GLG1: variants seen among roughly 807,000 people sequenced by gnomAD.
GLG1 encodes Golgi apparatus protein 1.
GLG1 carries 38 observed loss-of-function variants against 160.5 expected under a neutral mutation model. The observed-to-expected ratio is 0.24, with a 90% confidence interval of 0.18 to 0.31. The LOEUF (loss-of-function observed/expected upper bound fraction) is 0.31, where lower values mean the gene tolerates loss of function less well. Ranked by LOEUF, GLG1 falls within the 10% of genes least tolerant of loss-of-function variation. GLG1 has a pLI of 1.00. For synonymous variants in GLG1, 644 were observed against 543.4 expected, an observed-to-expected ratio of 1.19 and a Z score of -2.57; for missense variants, 1,373 against 1,505.2, an observed-to-expected ratio of 0.91 and a Z score of 1.45.
intron 2 of GLG1, among the ~76,000 whole-genome samples, chr16:74,514,438 T>A (rs963751903): frequency 2.0e-5 from 3 of 152,160 alleles, no homozygotes; most frequent in African/African-American, 7.2e-5. Context: ...TAACAGCAGA[T>A]CTCTTTGCAG....
At position 74,527,470 on chromosome 16, in the gene GLG1, G is replaced by A. The variant is rs11641702; in HGVS notation, c.471+4651C>T. On this transcript the variant is annotated intron_variant, in intron 2 of 25. Transcript: ENST00000422840. ...TCACCATGTTGGCCAGGCTGGTCTC[G>A]AACTCCTGACCTGAGGTGATCCACC... 6.8e-3 allele frequency among the ~76,000 whole-genome samples: 1,030 copies of A among 151,852 alleles called. 7 individuals are homozygous for A. Among genetic ancestry groups the A allele is most frequent in the Middle Eastern group, 0.01 (3 of 294 alleles).
chr16:74,506,731 T>C (rs1405101330), intron 3 of GLG1, among the ~76,000 whole-genome samples: 5 of 152,150 alleles, frequency 3.3e-5, no homozygotes, highest in African/African-American at 1.2e-4. Flanking sequence ...TTCAGCTCAC[T>C]ATCCATTACA....
At chr16:74,550,511 G>A (rs1035694382) in intron 1 of GLG1, among the ~76,000 whole-genome samples, 7 of 152,140 alleles carry the variant, frequency 4.6e-5, no homozygotes, top group Non-Finnish European at 7.3e-5. Context: ...GCATGGGCAG[G>A]CGAGAAGATG....
intron 17 of GLG1, 132 bp downstream of exon 17, chr16:74,468,813 AC>A: frequency 3.0e-6 from 2 of 664,860 alleles, no homozygotes; most frequent in South Asian, 3.6e-5. Context: ...GTATGTTAAA[AC>A]TTTTGCACAG....
intron 1 of GLG1, among the ~76,000 whole-genome samples, chr16:74,569,096 T>C (rs537172247): frequency 4.6e-5 from 7 of 152,290 alleles, no homozygotes; most frequent in Admixed American, 6.5e-5. Flanking sequence ...TCTAATGAGA[T>C]AGTCCTCACT....
intron 12 of GLG1, 107 bp downstream of exon 12, chr16:74,477,289 T>C: frequency 1.1e-6 from 1 of 896,170 alleles, no homozygotes; most frequent in Non-Finnish European, 1.8e-6. Flanking sequence ...ACAAATCACA[T>C]CTGTAAGGTA....
At chr16:74,478,764 T>G (rs1484826164) in intron 11 of GLG1, among the ~76,000 whole-genome samples, 1 of 149,078 alleles carries the variant, frequency 6.7e-6, no homozygotes, top group Non-Finnish European at 1.5e-5. Flanking sequence ...ATACAAAAAT[T>G]AGCCGGGCGT....
At chr16:74,472,831 T>G (rs2015253069) in intron 13 of GLG1, 9 of 331,392 alleles carry the variant, frequency 2.7e-5, no homozygotes, top group South Asian at 2.2e-4. Flanking sequence ...GCCAAACCAC[T>G]GTTACTGGGG....
intron 1 of GLG1, among the ~76,000 whole-genome samples, chr16:74,604,079 C>T (rs2143926137): frequency 6.6e-6 from 1 of 152,088 alleles, no homozygotes; most frequent in Admixed American, 6.6e-5. Flanking sequence ...TCACTTGAAC[C>T]CGGAATGTGG....
At chr16:74,584,658 C>T (rs532914356) in intron 1 of GLG1, among the ~76,000 whole-genome samples, 1 of 152,194 alleles carries the variant, frequency 6.6e-6, no homozygotes, top group Admixed American at 6.6e-5. Context: ...GTGGCTCACA[C>T]CTGTAATCCC....
intron 2 of GLG1, among the ~76,000 whole-genome samples, chr16:74,510,301 C>T (rs1401184754): frequency 6.6e-6 from 1 of 152,110 alleles, no homozygotes; most frequent in African/African-American, 2.4e-5. Flanking sequence ...AAAGTGCTGG[C>T]ATTACAAGAG....
At chr16:74,580,240 T>C (rs1490267035) in intron 1 of GLG1, among the ~76,000 whole-genome samples, 1 of 152,020 alleles carries the variant, frequency 6.6e-6, no homozygotes, top group East Asian at 1.9e-4. Flanking sequence ...TCCCAGCACT[T>C]TGGGAGGCTG....
intron 1 of GLG1, among the ~76,000 whole-genome samples, chr16:74,556,983 G>T (rs1192663865): frequency 1.3e-5 from 2 of 151,874 alleles, no homozygotes; most frequent in African/African-American, 2.4e-5. Context: ...CACTGCTCAG[G>T]AACAGTGAAG....
intron 12 of GLG1, among the ~76,000 whole-genome samples, chr16:74,475,331 C>A (rs1336453387): frequency 6.6e-6 from 1 of 152,100 alleles, no homozygotes; most frequent in African/African-American, 2.4e-5. Context: ...TAAATATGCA[C>A]TTTAATAATG....
chr16:74,471,355 G>C, intron 14 of GLG1, 69 bp from the exon 15 acceptor site: 1 of 857,092 alleles, frequency 1.2e-6, no homozygotes, highest in East Asian at 2.4e-5. Context: ...AGCCCAGTCC[G>C]AAACAAATGC....
chr16:74,475,289 T>G (rs982688164), intron 12 of GLG1, among the ~76,000 whole-genome samples: 2 of 152,120 alleles, frequency 1.3e-5, no homozygotes, highest in Non-Finnish European at 2.9e-5. Context: ...CTATTTTCAA[T>G]CTGTGCTTTG....
chr16:74,474,270 G>T, intron 13 of GLG1: 1 of 315,282 alleles, frequency 3.2e-6, no homozygotes, highest in East Asian at 5.5e-5. Flanking sequence ...GCTATCTTAA[G>T]GGAGAAACAG....
chr16:74,552,606 A>G, intron 1 of GLG1: 1 of 212,080 alleles, frequency 4.7e-6, no homozygotes, highest in East Asian at 1.4e-4. Context: ...AAAGCTCACA[A>G]AAGGGGAAGC....
At chr16:74,573,787 C>T (rs1397352671) in intron 1 of GLG1, among the ~76,000 whole-genome samples, 1 of 149,890 alleles carries the variant, frequency 6.7e-6, no homozygotes, top group Non-Finnish European at 1.5e-5. Flanking sequence ...CTGGCCCAGC[C>T]TATCTAGCGT....
Sources: allele counts gnomAD v4.1 joint callset (sites outside exome capture counted in the v4.1 genomes callset), GRCh38; gene constraint gnomAD v4.1.1; transcripts MANE v1.5; gene names NCBI Gene and HGNC (gene_info 2026-07-23, HGNC 2026-07-21).